Variants in KDM6A observed in about 807,000 individuals in gnomAD.
KDM6A encodes lysine demethylase 6A.
Under a neutral mutation model 117.6 loss-of-function variants are expected in KDM6A, and 11 were observed. The observed-to-expected ratio is 0.09, with a 90% CI of 0.06 to 0.15. The LOEUF is 0.15. Ranked by LOEUF, KDM6A falls within the 10% of genes least tolerant of loss-of-function variation. The pLI is 1.00. For missense variants in KDM6A, 799 were observed against 1,077.3 expected (o/e 0.74, Z 3.62); for synonymous variants, 384 against 396.1 (o/e 0.97, Z 0.36).
At chrX:44,874,241 C>CA (rs2031228970) in intron 2 of KDM6A, among the ~76,000 whole-genome samples, 1 of 111,996 alleles carries the variant, frequency 8.9e-6, no homozygotes, top group African/African-American at 3.2e-5. Context: ...ACTGGGTCGA[C>CA]ACAACTGCCT....
intron 2 of KDM6A, among the ~76,000 whole-genome samples, chrX:44,942,862 T>C (rs1242202869): frequency 9.0e-6 from 1 of 110,896 alleles, no homozygotes; most frequent in Non-Finnish European, 1.9e-5. Context: ...TGGAATATAA[T>C]TGACTATTGT....
chrX:45,082,295 T>C (rs898201210), intron 21 of KDM6A: 13 of 304,466 alleles, frequency 4.3e-5, no homozygotes, highest in Admixed American at 2.2e-4. Flanking sequence ...TAGCTGGGCG[T>C]GGTCATGCGC....
At chrX:44,879,947 C>A (rs190125919) in intron 2 of KDM6A, among the ~76,000 whole-genome samples, 1 of 110,216 alleles carries the variant, frequency 9.1e-6, no homozygotes, top group Admixed American at 9.7e-5. Flanking sequence ...CTGAGGTGGG[C>A]GGATCACTTG....
chrX:44,873,426 C>T lies in KDM6A; in HGVS notation c.-126C>T, dbSNP rs1601993116. The stretch of plus-strand genomic sequence containing the variant: ...CGTTGGGATTTTTCGTCGCCGCCGC[C>T]CGCGGCGGAGGAGGAGGCGGCGATA... On this transcript the variant is annotated 5_prime_UTR_variant, in exon 1 of 30. Transcript: ENST00000611820. 1.0e-5 allele frequency: 10 copies of T among 1,001,011 alleles called. No individual in the cohort carries two copies. The East Asian group carries it at 3.3e-4, about 33-fold the overall frequency. 82.5% of individuals were successfully genotyped at this position (1,001,011 alleles called of 1,213,427 possible). A position where few individuals can be genotyped will look rare whatever the true frequency, so the allele number is the denominator to read the frequency against.
intron 4 of KDM6A, among the ~76,000 whole-genome samples, chrX:45,000,033 CAGT>C (rs1419310862): frequency 8.9e-6 from 1 of 111,992 alleles, no homozygotes; most frequent in Non-Finnish European, 1.9e-5. Context: ...ATACTTCCAT[CAGT>C]GGTGGTGGTG....
chrX:45,079,372 G>GA, intron 21 of KDM6A, 21 bp downstream of exon 21: 2 of 1,087,552 alleles, frequency 1.8e-6, no homozygotes, highest in Non-Finnish European at 2.6e-6. Context: ...GTATCCTAAA[G>GA]ATTATTTTAG....
intron 17 of KDM6A, among the ~76,000 whole-genome samples, chrX:45,064,076 C>T (rs962058182): frequency 8.9e-6 from 1 of 112,067 alleles, no homozygotes; most frequent in Non-Finnish European, 1.9e-5. Flanking sequence ...ACCCAAAATG[C>T]ACCATTAATT....
chrX:44,939,712 C>G (rs1181019038), intron 2 of KDM6A, among the ~76,000 whole-genome samples: 3 of 111,628 alleles, frequency 2.7e-5, no homozygotes, highest in Non-Finnish European at 3.8e-5. Context: ...AAGAGTCAAT[C>G]CATGTGGCAA....
chrX:45,077,537 TGCCCTCTAGAG>T (rs2045187012), intron 19 of KDM6A, among the ~76,000 whole-genome samples: 2 of 110,601 alleles, frequency 1.8e-5, no homozygotes, highest in Non-Finnish European at 3.8e-5. Flanking sequence ...TTAACCCCCT[TGCCCTCTAGAG>T]GCCAAATATT....
chrX:44,994,286 C>G, intron 4 of KDM6A, among the ~76,000 whole-genome samples: 1 of 111,633 alleles, frequency 9.0e-6, no homozygotes, highest in African/African-American at 3.3e-5. Context: ...CACTGCTGTT[C>G]TCTTTACTCC....
chrX:44,935,918 C>T (rs2036940712), intron 2 of KDM6A, among the ~76,000 whole-genome samples: 1 of 111,784 alleles, frequency 8.9e-6, no homozygotes, highest in Admixed American at 9.5e-5. Flanking sequence ...ATGTTTGGTC[C>T]ATGAGTGACA....
intron 27 of KDM6A, among the ~76,000 whole-genome samples, chrX:45,105,675 T>G (rs2046502415): frequency 1.8e-5 from 2 of 112,233 alleles, no homozygotes; most frequent in African/African-American, 6.5e-5. Context: ...CCTTCCCTGG[T>G]GCCCTATACA....
In KDM6A at chrX:45,060,958, A is replaced by C. The variant is rs759216995; in HGVS notation, c.1485+194A>C. Among the ~76,000 whole-genome samples, 7 of 111,519 alleles carry C rather than the reference A, an allele frequency of 6.3e-5. No individual in the cohort carries two copies. In the South Asian group the frequency reaches 2.6e-3, roughly 42 times the overall value. On this transcript the variant is annotated intron_variant, in intron 14 of 29. Transcript: ENST00000611820. ...AAGTAGGGATAAATTTGCATTCATCAAATCATTTTATTCATCTCCCTGCCG... is the reference window on the plus strand; with the variant it reads ...AAGTAGGGATAAATTTGCATTCATCCAATCATTTTATTCATCTCCCTGCCG...
At chrX:44,887,997 T>TA (rs1295819233) in intron 2 of KDM6A, among the ~76,000 whole-genome samples, 3 of 108,756 alleles carry the variant, frequency 2.8e-5, no homozygotes, top group African/African-American at 1.0e-4. Context: ...TCCGTCTCTT[T>TA]AAAAAACAAA....
rs760974469 is a variant in KDM6A at position 44,986,513 on chromosome X, G to T, written c.384+11798G>T. Among the ~76,000 whole-genome samples, 633 of 108,201 alleles carry T rather than the reference G, an allele frequency of 5.9e-3. 5 individuals are homozygous for T. Among genetic ancestry groups the T allele is most frequent in the African/African-American group, 0.02 (596 of 30,007 alleles). The allele number at this position is 108,201 out of a possible 115,157, so 94.0% of individuals were successfully genotyped here. The stretch of plus-strand genomic sequence containing the variant: ...TTTAATTGTGATGTTAGGGTGTCAA[G>T]TTTAGATCTTTCCTGCTTTCTCTTG... On this transcript the variant is annotated intron_variant, in intron 4 of 29. Transcript: ENST00000611820.
intron 2 of KDM6A, among the ~76,000 whole-genome samples, chrX:44,944,554 G>A (rs184840761): frequency 9.0e-6 from 1 of 111,480 alleles, no homozygotes; most frequent in South Asian, 3.7e-4. Context: ...CATGAACACA[G>A]TATCTTCTCT....
At chrX:44,919,335 G>T (rs148376427) in intron 2 of KDM6A, among the ~76,000 whole-genome samples, 2,575 of 110,725 alleles carry the variant, frequency 0.023, 78 homozygotes, top group African/African-American at 0.081. Flanking sequence ...TGTTTTTGAT[G>T]ACCTTAGTTT....
intron 6 of KDM6A, among the ~76,000 whole-genome samples, chrX:45,031,413 C>A (rs2042597830): frequency 8.9e-6 from 1 of 112,237 alleles, no homozygotes; most frequent in Non-Finnish European, 1.9e-5. Context: ...ACAGCAGTAT[C>A]AACTATACAT....
chrX:44,875,415 C>T (rs775298175), intron 2 of KDM6A, among the ~76,000 whole-genome samples: 1 of 111,305 alleles, frequency 9.0e-6, no homozygotes, highest in African/African-American at 3.3e-5. Context: ...TCAGTAAGCC[C>T]GGCCCCTTTG....
Sources: allele counts gnomAD v4.1 joint callset (sites outside exome capture counted in the v4.1 genomes callset), GRCh38; gene constraint gnomAD v4.1.1; transcripts MANE v1.5; gene names NCBI Gene and HGNC (gene_info 2026-07-23, HGNC 2026-07-21).